Variants in GNAI3 observed in about 807,000 individuals in gnomAD.
GNAI3 encodes the protein guanine nucleotide-binding protein G(i) subunit alpha-3.
Under a neutral mutation model 41.8 loss-of-function variants are expected in GNAI3, and 12 were observed. That is an observed-to-expected ratio of 0.29 (90% CI 0.18 to 0.47). The LOEUF (loss-of-function observed/expected upper bound fraction) is 0.47. GNAI3 is among the 20% of genes least tolerant of loss of function. The probability of loss-of-function intolerance (pLI) is 1.00; values close to 1 mark genes in which losing one functional copy is unlikely to be tolerated. For synonymous variants in GNAI3, 132 were observed against 146.5 expected (o/e 0.90, Z 0.71); for missense variants, 360 against 429.6 (o/e 0.84, Z 1.43).
intron 1 of GNAI3, among the ~76,000 whole-genome samples, 189 bp from the exon 2 acceptor site, chr1:109,573,548 G>A (rs1172376894): frequency 1.3e-5 from 2 of 152,104 alleles, no homozygotes; most frequent in African/African-American, 2.4e-5. Flanking sequence ...CTTGGTTGCT[G>A]AGTTATGTAA....
chr1:109,557,716 C>T (rs1303772067), intron 1 of GNAI3, among the ~76,000 whole-genome samples: 1 of 152,084 alleles, frequency 6.6e-6, no homozygotes. Context: ...CCCGGTAGTT[C>T]AAGTGCTTCA....
At chr1:109,549,106 G>A (rs1647911214) in intron 1 of GNAI3, among the ~76,000 whole-genome samples, 1 of 152,206 alleles carries the variant, frequency 6.6e-6, no homozygotes, top group South Asian at 2.1e-4. Context: ...AGTATGGGCC[G>A]GTAGATGTTG....
At chr1:109,560,367 A>G (rs1469806773) in intron 1 of GNAI3, among the ~76,000 whole-genome samples, 1 of 152,184 alleles carries the variant, frequency 6.6e-6, no homozygotes, top group Non-Finnish European at 1.5e-5. Context: ...TAATAATGAT[A>G]ATTATTATTT....
chr1:109,579,433 T>C (rs1648834137), intron 4 of GNAI3, 72 bp downstream of exon 4: 4 of 1,058,250 alleles, frequency 3.8e-6, no homozygotes, highest in Middle Eastern at 2.5e-4. Flanking sequence ...TAGTCCCCAC[T>C]TAAGGAAATG....
chr1:109,583,009 G>A (rs145850356), intron 5 of GNAI3, among the ~76,000 whole-genome samples: 11 of 152,200 alleles, frequency 7.2e-5, no homozygotes, highest in African/African-American at 2.6e-4. Context: ...TTTCTCACCA[G>A]TGTCACTTCT....
intron 4 of GNAI3, among the ~76,000 whole-genome samples, chr1:109,580,841 T>G (rs1485357552): frequency 6.6e-6 from 1 of 152,232 alleles, no homozygotes; most frequent in Non-Finnish European, 1.5e-5. Context: ...ACCAAAACAT[T>G]GTTATGCAGC....
At chr1:109,572,472 G>A (rs1648632210) in intron 1 of GNAI3, among the ~76,000 whole-genome samples, 1 of 152,136 alleles carries the variant, frequency 6.6e-6, no homozygotes, top group Non-Finnish European at 1.5e-5. Flanking sequence ...ACCAAGAATT[G>A]ACCAACTGGG....
chr1:109,575,023 C>G (rs1184657111), intron 3 of GNAI3, among the ~76,000 whole-genome samples: 1 of 152,078 alleles, frequency 6.6e-6, no homozygotes, highest in Admixed American at 6.6e-5. Flanking sequence ...TAGAAAGTGT[C>G]TTAGAAATGG....
chr1:109,587,486 G>A (rs1410717746), intron 7 of GNAI3, among the ~76,000 whole-genome samples: 4 of 152,100 alleles, frequency 2.6e-5, no homozygotes, highest in African/African-American at 9.7e-5. Flanking sequence ...GCTACTAAGA[G>A]GATGAAATAG....
chr1:109,550,891 T>C (rs555372353), intron 1 of GNAI3, among the ~76,000 whole-genome samples: 1 of 152,308 alleles, frequency 6.6e-6, no homozygotes, highest in East Asian at 1.9e-4. Context: ...TCATCTTCTG[T>C]GAGTGATTTG....
At chr1:109,578,470 C>CAAAAAAAAAAAA (rs35519193) in intron 3 of GNAI3, among the ~76,000 whole-genome samples, 52 of 84,178 alleles carry the variant, frequency 6.2e-4, no homozygotes, top group East Asian at 9.9e-4. Flanking sequence ...AACTCCGTCT[C>CAAAAAAAAAAAA]AAAAAAAAAA....
At chr1:109,579,760 C>T (rs931393080) in intron 4 of GNAI3, among the ~76,000 whole-genome samples, 1 of 152,198 alleles carries the variant, frequency 6.6e-6, no homozygotes, top group Non-Finnish European at 1.5e-5. Flanking sequence ...AGCCAGCTCT[C>T]TGTGTCTGGG....
intron 4 of GNAI3, among the ~76,000 whole-genome samples, chr1:109,581,436 T>C (rs997718015): frequency 2.6e-5 from 4 of 152,196 alleles, no homozygotes; most frequent in African/African-American, 9.7e-5. Context: ...TTGAGTTTAA[T>C]TGTCTGAGGA....
intron 7 of GNAI3, 83 bp downstream of exon 7, chr1:109,586,965 T>C (rs1419244992): frequency 1.1e-6 from 1 of 890,050 alleles, no homozygotes; most frequent in Non-Finnish European, 1.8e-6. Flanking sequence ...ACTGCCTTTT[T>C]TTTTTTAATG....
intron 7 of GNAI3, among the ~76,000 whole-genome samples, chr1:109,590,754 TG>T (rs1465986059): frequency 6.6e-6 from 1 of 152,006 alleles, no homozygotes; most frequent in Non-Finnish European, 1.5e-5. Context: ...TTAGTAGAGA[TG>T]TGGTTTCACT....
chr1:109,582,343 G>GTA, intron 4 of GNAI3, 94 bp from the exon 5 acceptor site: 8 of 884,188 alleles, frequency 9.0e-6, no homozygotes, highest in Non-Finnish European at 1.4e-5. Context: ...TTAATAACTA[G>GTA]TAACAGGTTT....
rs1649383741 is a variant in GNAI3, at chr1:109,599,024, A to G, written c.*6702A>G. On this transcript the variant is annotated 3_prime_UTR_variant, in exon 9 of 9. Transcript: ENST00000369851. ...TATAGAGTGGGTTTTGAATGCTGTT[A>G]TGTCTCACCGTGGGGATGGGAAGGA... 1.9e-6 allele frequency: 1 copy of G among 526,088 alleles called. No individual in the cohort carries two copies. The highest frequency in any genetic ancestry group is 4.0e-6 in the Non-Finnish European group (1 of 253,160). 32.6% of individuals were successfully genotyped at this position (526,088 alleles called of 1,614,324 possible).
chr1:109,580,041 G>A (rs537699894), intron 4 of GNAI3, among the ~76,000 whole-genome samples: 4 of 152,092 alleles, frequency 2.6e-5, no homozygotes, highest in East Asian at 1.9e-4. Flanking sequence ...TCGCTCTGTC[G>A]CCCAGACTGG....
intron 4 of GNAI3, among the ~76,000 whole-genome samples, chr1:109,579,605 T>G (rs1162509819): frequency 1.3e-5 from 2 of 152,224 alleles, no homozygotes; most frequent in African/African-American, 4.8e-5. Flanking sequence ...CCATGGCATT[T>G]TATTATAAGC....
Sources: allele counts gnomAD v4.1 joint callset (sites outside exome capture counted in the v4.1 genomes callset), GRCh38; gene constraint gnomAD v4.1.1; transcripts MANE v1.5; gene names NCBI Gene and HGNC (gene_info 2026-07-23, HGNC 2026-07-21).